Variants in ANKRD55 observed in about 807,000 individuals in gnomAD.
The protein encoded by ANKRD55 is ankyrin repeat domain-containing protein 55.
Under a neutral mutation model 60.6 loss-of-function variants are expected in ANKRD55, and 41 were observed. The ratio of observed to expected loss-of-function variants is 0.68; its 90% CI spans 0.53 to 0.88. The LOEUF is 0.88. Among genes scored for constraint, ANKRD55 ranks in the 40% least tolerant of loss-of-function variants. ANKRD55 has a pLI of 0.00. For synonymous variants in ANKRD55, 264 were observed against 290.3 expected (o/e 0.91, Z 0.92); for missense variants, 732 against 767.6 (o/e 0.95, Z 0.55).
chr5:56,183,346 A>G (rs1435377653), intron 3 of ANKRD55, among the ~76,000 whole-genome samples, 166 bp downstream of exon 3: 1 of 152,186 alleles, frequency 6.6e-6, no homozygotes, highest in Non-Finnish European at 1.5e-5. Flanking sequence ...TTGAAAACAA[A>G]CTCAAACTGA....
At chr5:56,199,846 GCACCACTA>G (rs1462458925) in intron 2 of ANKRD55, among the ~76,000 whole-genome samples, 1 of 147,622 alleles carries the variant, frequency 6.8e-6, no homozygotes, top group Admixed American at 6.8e-5. Flanking sequence ...AGCCGAGATC[GCACCACTA>G]CACTCCAGCC....
At chr5:56,226,874 T>G (rs180923530) in intron 2 of ANKRD55, among the ~76,000 whole-genome samples, 8 of 152,290 alleles carry the variant, frequency 5.3e-5, no homozygotes, top group African/African-American at 1.7e-4. Flanking sequence ...ACAGGAACAC[T>G]TTTACACTGT....
chr5:56,121,071 G>T (rs948297817), intron 8 of ANKRD55, among the ~76,000 whole-genome samples: 1 of 152,052 alleles, frequency 6.6e-6, no homozygotes, highest in African/African-American at 2.4e-5. Flanking sequence ...GATGGCGCCC[G>T]TGCCCAAGCA....
At chr5:56,214,467 C>A (rs965348904) in intron 2 of ANKRD55, among the ~76,000 whole-genome samples, 4 of 152,200 alleles carry the variant, frequency 2.6e-5, no homozygotes, top group South Asian at 2.1e-4. Flanking sequence ...ATCTTTACAA[C>A]GATCCTATAA....
chr5:56,109,450 C>G (rs1309238573), intron 10 of ANKRD55, among the ~76,000 whole-genome samples: 1 of 151,874 alleles, frequency 6.6e-6, no homozygotes, highest in Admixed American at 6.6e-5. Context: ...TAAAAACAAG[C>G]CAAGGTACTG....
At chr5:56,159,724 G>T in intron 6 of ANKRD55, 109 bp downstream of exon 6, 1 of 1,071,460 alleles carries the variant, frequency 9.3e-7, no homozygotes. Context: ...ACAGAACCAT[G>T]CCTCATGTCT....
chr5:56,215,924 A>ACCTTTGGAGGTGATTC (rs1759794104), intron 2 of ANKRD55, among the ~76,000 whole-genome samples: 1 of 151,934 alleles, frequency 6.6e-6, no homozygotes, highest in Non-Finnish European at 1.5e-5. Context: ...GTGATTCCCC[A>ACCTTTGGAGGTGATTC]ACCCTGGCAT....
intron 2 of ANKRD55, among the ~76,000 whole-genome samples, chr5:56,226,967 A>C (rs1479131968): frequency 1.3e-5 from 2 of 152,322 alleles, no homozygotes; most frequent in Non-Finnish European, 1.5e-5. Context: ...ATACCATTTG[A>C]CCCAGCCATC....
At chr5:56,199,901 A>G (rs1398526653) in intron 2 of ANKRD55, among the ~76,000 whole-genome samples, 2 of 151,104 alleles carry the variant, frequency 1.3e-5, no homozygotes, top group South Asian at 2.1e-4. Flanking sequence ...AAAAAAAAAA[A>G]AAAGAGGCCG....
intron 4 of ANKRD55, among the ~76,000 whole-genome samples, chr5:56,172,273 G>C (rs1314195186): frequency 6.6e-6 from 1 of 152,142 alleles, no homozygotes; most frequent in Non-Finnish European, 1.5e-5. Context: ...TGATTTTGTA[G>C]AATTGACCAT....
intron 7 of ANKRD55, among the ~76,000 whole-genome samples, chr5:56,135,347 C>CTT (rs1234249440): frequency 0.013 from 387 of 30,618 alleles, 36 homozygotes; most frequent in African/African-American, 0.061. Flanking sequence ...TTCTTTCTTT[C>CTT]TTTCTTTCTT....
At chr5:56,212,063 C>A (rs918125606) in intron 2 of ANKRD55, among the ~76,000 whole-genome samples, 2 of 131,600 alleles carry the variant, frequency 1.5e-5, no homozygotes, top group African/African-American at 6.8e-5. Context: ...CACACACACA[C>A]ACACACACAC....
At chr5:56,129,181 G>A (rs1249565258) in intron 7 of ANKRD55, among the ~76,000 whole-genome samples, 1 of 152,170 alleles carries the variant, frequency 6.6e-6, no homozygotes, top group Non-Finnish European at 1.5e-5. Context: ...CTTAGGCCTG[G>A]GAGGTAGGGA....
chr5:56,136,799 T>TA lies in ANKRD55; in HGVS notation c.612+7001dup, dbSNP rs567152859. On this transcript the variant is annotated intron_variant, in intron 7 of 11. Transcript: ENST00000341048. ...TACCTAGGCATTGTGGGTGTGCCTATAGTCCCAGGTACTCAAGAGGCTGAA... is the reference window on the plus strand; with the variant it reads ...TACCTAGGCATTGTGGGTGTGCCTATAAGTCCCAGGTACTCAAGAGGCTGAA... Among the ~76,000 whole-genome samples, 553 of 149,034 alleles carry TA rather than the reference T, an allele frequency of 3.7e-3. 7 individuals carry two copies. Among genetic ancestry groups the TA allele is most frequent in the African/African-American group, 0.013 (517 of 39,558 alleles).
At chr5:56,189,548 G>A (rs1236295067) in intron 2 of ANKRD55, among the ~76,000 whole-genome samples, 2 of 152,128 alleles carry the variant, frequency 1.3e-5, no homozygotes, top group African/African-American at 2.4e-5. Context: ...GACTACTAAA[G>A]GCACCTCATG....
Position 56,111,794 on chromosome 5 carries a change from T to C in ANKRD55, c.966-12A>G, listed in dbSNP as rs373575646. 9 of 1,484,054 alleles carry C rather than the reference T, an allele frequency of 6.1e-6. No homozygotes were observed. The highest frequency in any genetic ancestry group is 8.0e-6 in the Non-Finnish European group (9 of 1,121,224). The allele number at this position is 1,484,054 out of a possible 1,614,324, so 91.9% of individuals were successfully genotyped here. Reference sequence around the variant, plus strand: ...GAGTAGGCTCTGTTCTATGCGAATATAAAAGAGCAGGGATGATATGTGAGT... The same window carrying C: ...GAGTAGGCTCTGTTCTATGCGAATACAAAAGAGCAGGGATGATATGTGAGT... On this transcript the variant is annotated splice_polypyrimidine_tract_variant and intron_variant, in intron 9 of 11. Transcript: ENST00000341048.
intron 2 of ANKRD55, among the ~76,000 whole-genome samples, chr5:56,204,088 T>C (rs1391250703): frequency 6.6e-6 from 1 of 152,234 alleles, no homozygotes; most frequent in Non-Finnish European, 1.5e-5. Flanking sequence ...CCAGTGATGA[T>C]GAGCATTTTT....
intron 8 of ANKRD55, among the ~76,000 whole-genome samples, chr5:56,118,274 T>C (rs1756936882): frequency 1.3e-5 from 2 of 151,954 alleles, no homozygotes; most frequent in African/African-American, 4.8e-5. Context: ...TGGGAGAAAA[T>C]ATTTGCAAAT....
chr5:56,156,652 C>T (rs1349760111), intron 6 of ANKRD55, among the ~76,000 whole-genome samples: 1 of 152,186 alleles, frequency 6.6e-6, no homozygotes, highest in Non-Finnish European at 1.5e-5. Flanking sequence ...GCAACTTGCC[C>T]TGAAATCTAG....
Sources: allele counts gnomAD v4.1 joint callset (sites outside exome capture counted in the v4.1 genomes callset), GRCh38; gene constraint gnomAD v4.1.1; transcripts MANE v1.5; gene names NCBI Gene and HGNC (gene_info 2026-07-23, HGNC 2026-07-21).